Variants in CDK5RAP1 observed in about 807,000 individuals in gnomAD.
CDK5RAP1 encodes the protein CDK5RAP1 mitochondrial tRNA methylthiotransferase, also known as mitochondrial tRNA methylthiotransferase CDK5RAP1.
In CDK5RAP1, 62 loss-of-function variants were observed where a neutral mutation model predicts 64.5. The ratio of observed to expected loss-of-function variants is 0.96; its 90% confidence interval spans 0.78 to 1.19. The LOEUF (loss-of-function observed/expected upper bound fraction) is 1.19, where lower values mean the gene tolerates loss of function less well. CDK5RAP1 is among the 50% of genes most tolerant of loss of function. The probability of loss-of-function intolerance (pLI) is 0.00; values close to 1 mark genes in which losing one functional copy is unlikely to be tolerated. For synonymous variants in CDK5RAP1, 250 were observed against 261.9 expected, an observed-to-expected ratio of 0.95 and a Z score of 0.44; for missense variants, 657 against 735.0, an observed-to-expected ratio of 0.89 and a Z score of 1.23.
At chr20:33,398,323 T>C (rs139481474) in intron 1 of CDK5RAP1, among the ~76,000 whole-genome samples, 2,648 of 151,992 alleles carry the variant, frequency 0.017, 68 homozygotes, top group African/African-American at 0.06. Flanking sequence ...TGAAACCTCA[T>C]CTCTACTAAA....
At position 33,366,999 on chromosome 20, in the gene CDK5RAP1, C is replaced by A; in HGVS notation, c.1402G>T (p.Ala468Ser). ...FAYSMRQKTR[A>S]YHRLKDDVPE... ...ACATCATCCTTCAGCCTATGATATG[C>A]CCGTGTCTTCTATTAAAAAAAAAAA... The change falls in exon 12 of 14, where the codon GCA becomes TCA. Residue 468 changes from alanine to serine, a missense_variant. Coordinates refer to ENST00000346416, the MANE Select transcript of CDK5RAP1 (RefSeq NM_016408.4). 6.3e-7 allele frequency: 1 copy of A among 1,596,970 alleles called. No individual in the cohort carries two copies. Among genetic ancestry groups the A allele is most frequent in the East Asian group, 2.2e-5 (1 of 44,756 alleles).
At position 33,370,568 on chromosome 20, in the gene CDK5RAP1, G is replaced by T. The variant is rs1321885684; in HGVS notation, c.1323C>A (p.Val441=). The change falls in exon 11 of 14, where the codon GTC becomes GTA. Residue 441 remains valine, a synonymous_variant. Coordinates refer to ENST00000346416, the MANE Select transcript of CDK5RAP1 (RefSeq NM_016408.4). ...GFCGETEEDH[V]QTVSLLREVQ... is the part of the protein sequence containing the mutation. ...CTTCCCGGAGCAAAGAGACTGTCTG[G>T]ACGTGATCTTCCTCCGTCTCACCAC... 1 of 1,614,004 alleles carries T rather than the reference G, an allele frequency of 6.2e-7. No homozygotes were observed. Among genetic ancestry groups the T allele is most frequent in the Non-Finnish European group, 8.5e-7 (1 of 1,180,010 alleles).
At position 33,394,054 on chromosome 20, in the gene CDK5RAP1, G is replaced by T; in HGVS notation, c.421C>A (p.Leu141Ile). The T allele has an allele frequency of 6.3e-7, 1 of 1,596,292 alleles. No individual in the cohort carries two copies. The highest frequency in any genetic ancestry group is 8.6e-7 in the Non-Finnish European group (1 of 1,163,780). ...TSNLQEADVI[L>I]LVTCSIREKA... ...CACCTGATAGAGCATGTGACAAGGA[G>T]AATCACATCTGCCTGAATGGAAAGA... is the stretch of plus-strand genomic sequence containing the variant. Residue 141 changes from leucine to isoleucine, a missense_variant, in exon 4 of 14, where the codon CTC becomes ATC. Leu to Ile is a conservative substitution (Grantham distance 5, BLOSUM62 2). Transcript: ENST00000346416.
chr20:33,360,347 T>TA lies in CDK5RAP1; in HGVS notation c.1683+3_1683+4insT. 1.9e-6 allele frequency: 3 copies of TA among 1,613,566 alleles called. No individual in the cohort carries two copies. Among genetic ancestry groups the TA allele is most frequent in the Non-Finnish European group, 2.5e-6 (3 of 1,179,846 alleles). ...CAAGCCAAAAGCCCAAAAGGACTCCTCACCTTCACCAGCACATAGTCCCCA... is the reference window on the plus strand; with the variant it reads ...CAAGCCAAAAGCCCAAAAGGACTCCTACACCTTCACCAGCACATAGTCCCCA... On this transcript the variant is annotated splice_donor_region_variant and intron_variant, in intron 13 of 13. Transcript: ENST00000346416.
Position 33,374,326 on chromosome 20 carries a change from C to T in CDK5RAP1, c.1108-114G>A, listed in dbSNP as rs1985616372. On this transcript the variant is annotated intron_variant, in intron 8 of 13. Transcript: ENST00000346416. ...GGTCAATTTTCACATAATTAAGAGG[C>T]TAATTAAACCAGACACACAAAATCA... The T allele has an allele frequency of 4.4e-6, 3 of 675,412 alleles. No individual in the cohort carries two copies. The South Asian group carries it at 5.3e-5, about 12-fold the overall frequency. 41.8% of individuals were successfully genotyped at this position (675,412 alleles called of 1,614,324 possible).
chr20:33,385,772 TGGA>T lies in CDK5RAP1; in HGVS notation c.756-5_756-3del. The T allele has an allele frequency of 6.2e-7, 1 of 1,610,980 alleles. No homozygotes were observed. The highest frequency in any genetic ancestry group is 1.1e-5 in the South Asian group (1 of 90,538). On this transcript the variant is annotated splice_polypyrimidine_tract_variant and splice_region_variant and intron_variant, in intron 6 of 13. Transcript: ENST00000346416. ...TTGTCACAGCCTCGCATGATTGACCTGGAGAAGAAAGTACCAGAACTTAGTAAC... is the reference window on the plus strand; with the variant it reads ...TTGTCACAGCCTCGCATGATTGACCTGAAGAAAGTACCAGAACTTAGTAAC...
At chr20:33,385,815 C>CT in intron 6 of CDK5RAP1, 45 bp from the exon 7 acceptor site, 1 of 1,572,694 alleles carries the variant, frequency 6.4e-7, no homozygotes, top group Non-Finnish European at 8.6e-7. Context: ...GCAGGGTGTG[C>CT]TGGTATGACC....
intron 5 of CDK5RAP1, among the ~76,000 whole-genome samples, chr20:33,389,048 C>A (rs1176783168): frequency 6.6e-6 from 1 of 152,308 alleles, no homozygotes; most frequent in Admixed American, 6.5e-5. Context: ...GCCGCCACCC[C>A]GTCTGGGAAG....
chr20:33,361,975 AGG>A (rs1983021460), intron 12 of CDK5RAP1, among the ~76,000 whole-genome samples: 3 of 144,110 alleles, frequency 2.1e-5, no homozygotes, highest in Admixed American at 6.9e-5. Flanking sequence ...AAAAAAAAAA[AGG>A]AAGGAAGGGA....
intron 11 of CDK5RAP1, among the ~76,000 whole-genome samples, chr20:33,368,172 T>C (rs544963560): frequency 1.5e-4 from 23 of 152,240 alleles, no homozygotes; most frequent in Non-Finnish European, 2.5e-4. Context: ...TCTCATCCAC[T>C]AGGTTCTTGA....
intron 11 of CDK5RAP1, among the ~76,000 whole-genome samples, chr20:33,367,232 T>G (rs879464707): frequency 2.0e-5 from 3 of 152,286 alleles, no homozygotes; most frequent in Admixed American, 6.5e-5. Context: ...ATTTAGCACA[T>G]GAAAATCATA....
At position 33,370,628 on chromosome 20, in the gene CDK5RAP1, A is replaced by G; in HGVS notation, c.1263T>C (p.Gly421=). The change falls in exon 11 of 14, where the codon GGT becomes GGC. Residue 421 remains glycine (G), a splice_region_variant and synonymous_variant. Transcript: ENST00000346416. ...CAATGAAATCGCTGCTGAGGCTCAC[A>G]CCTGTGATACACAGCAAAGGATGAC... ...LVHHIRESIP[G]VSLSSDFIAG... is the part of the protein sequence containing the mutation. The G allele has an allele frequency of 6.2e-7, 1 of 1,614,152 alleles. No homozygotes were observed. The highest frequency in any genetic ancestry group is 1.1e-5 in the South Asian group (1 of 91,078).
chr20:33,394,924 C>A (rs1348069322), intron 3 of CDK5RAP1, 89 bp downstream of exon 3: 3 of 795,514 alleles, frequency 3.8e-6, no homozygotes, highest in Non-Finnish European at 6.7e-6. Context: ...CCAGGGGGCA[C>A]CCTGCTCCTG....
intron 10 of CDK5RAP1, among the ~76,000 whole-genome samples, chr20:33,371,197 G>A (rs1252462700): frequency 6.6e-6 from 1 of 152,180 alleles, no homozygotes; most frequent in Non-Finnish European, 1.5e-5. Flanking sequence ...GGAGGCTGAG[G>A]TGGGAGGATC....
chr20:33,373,671 A>G (rs1985489720), intron 9 of CDK5RAP1: 1 of 157,882 alleles, frequency 6.3e-6, no homozygotes, highest in African/African-American at 2.4e-5. Flanking sequence ...TTAAATTCCA[A>G]GATGTAACAA....
chr20:33,372,902 A>G (rs903604906), intron 9 of CDK5RAP1: 7 of 373,164 alleles, frequency 1.9e-5, no homozygotes, highest in Admixed American at 5.2e-5. Context: ...ATTTTTATTT[A>G]AGGACATAAA....
At chr20:33,360,240 G>A (rs1982640490) in intron 13 of CDK5RAP1, 111 bp downstream of exon 13, 10 of 1,012,068 alleles carry the variant, frequency 9.9e-6, no homozygotes, top group East Asian at 7.7e-5. Flanking sequence ...TGGTTGAGAG[G>A]GGATTTTTAT....
rs1568734486 is a variant in CDK5RAP1, at chr20:33,397,045, A to G, written c.20T>C (p.Val7Ala). 1 of 1,612,440 alleles carries G rather than the reference A, an allele frequency of 6.2e-7. No individual in the cohort carries two copies. Among genetic ancestry groups the G allele is most frequent in the Non-Finnish European group, 8.5e-7 (1 of 1,179,352 alleles). The change falls in exon 2 of 14, where the codon GTC becomes GCC. Residue 7 changes from valine (V) to alanine (A), a missense_variant. By Grantham distance (64) the Val-to-Ala change is moderately conservative. Transcript: ENST00000346416. MHPLQCVLQVQRSLGWG... is the reference protein window; with the variant it reads MHPLQCALQVQRSLGWG... ...CCCCAGAGACCTCTGCACTTGGAGG[A>G]CACACTGTAAAGGGTGCATGGCACT...
intron 10 of CDK5RAP1, among the ~76,000 whole-genome samples, chr20:33,371,232 T>C (rs1225141883): frequency 6.6e-6 from 1 of 152,194 alleles, no homozygotes; most frequent in African/African-American, 2.4e-5. Context: ...AGGTCAAGGC[T>C]GCAGTGAACT....
Sources: gnomAD v4.1 joint callset for allele counts (sites outside exome capture counted in the v4.1 genomes callset) on GRCh38, gnomAD v4.1.1 for gene constraint, MANE v1.5 for transcripts, NCBI Gene and HGNC (gene_info 2026-07-23, HGNC 2026-07-21) for gene names.